The following DLGAP2 variants were observed in gnomAD, a reference collection of about 807,000 sequenced individuals.
DLGAP2 encodes the protein DLG associated protein 2.
A neutral mutation model predicts 100.3 loss-of-function variants in DLGAP2; 26 were observed. That is an observed-to-expected ratio of 0.26 (90% confidence interval 0.19 to 0.36). The LOEUF (loss-of-function observed/expected upper bound fraction) is 0.36, where lower values mean the gene tolerates loss of function less well. Among genes scored for constraint, DLGAP2 ranks in the 10% least tolerant of loss-of-function variants. DLGAP2 has a pLI of 1.00. For synonymous variants in DLGAP2, 886 were observed against 630.1 expected (o/e 1.41, Z -6.08); for missense variants, 1,858 against 1,453.2 (o/e 1.28, Z -4.53).
intron 4 of DLGAP2, among the ~76,000 whole-genome samples, chr8:1,503,467 G>A (rs1358404491): frequency 6.6e-6 from 1 of 152,138 alleles, no homozygotes; most frequent in Non-Finnish European, 1.5e-5. Context: ...TTCTGTTGAA[G>A]GCTGAGCCAC....
At chr8:1,019,097 ACCATGCCAG>A (rs964584096) in intron 2 of DLGAP2, 4 of 152,198 alleles carry the variant, frequency 2.6e-5, no homozygotes, top group Non-Finnish European at 5.9e-5. Context: ...CTGGTCATGC[ACCATGCCAG>A]CCACGCCAGC....
At chr8:1,321,440 C>T (rs1024778087) in intron 3 of DLGAP2, among the ~76,000 whole-genome samples, 1 of 150,000 alleles carries the variant, frequency 6.7e-6, no homozygotes, top group Non-Finnish European at 1.5e-5. Context: ...TGCATCCATG[C>T]GTCTCTGCAT....
At chr8:1,266,904 C>G (rs2116920822) in intron 3 of DLGAP2, among the ~76,000 whole-genome samples, 1 of 152,152 alleles carries the variant, frequency 6.6e-6, no homozygotes, top group African/African-American at 2.4e-5. Flanking sequence ...AAGATGCACA[C>G]TCAGTGGGGA....
intron 3 of DLGAP2, among the ~76,000 whole-genome samples, chr8:1,342,198 C>T (rs1801433788): frequency 6.6e-6 from 1 of 152,098 alleles, no homozygotes; most frequent in Non-Finnish European, 1.5e-5. Flanking sequence ...CGGCCCACCT[C>T]AGCCTCCCAA....
chr8:906,675 A>G (rs554904830), intron 1 of DLGAP2, among the ~76,000 whole-genome samples: 2 of 152,014 alleles, frequency 1.3e-5, no homozygotes, highest in East Asian at 3.9e-4. Flanking sequence ...CCAGCACCTG[A>G]CCCCATGGTT....
intron 3 of DLGAP2, among the ~76,000 whole-genome samples, chr8:1,289,615 C>T (rs1265206907): frequency 6.6e-6 from 1 of 152,176 alleles, no homozygotes; most frequent in Non-Finnish European, 1.5e-5. Context: ...TCCCTGGGGG[C>T]TGGCCTGGCT....
In DLGAP2 at chr8:1,445,890, T is replaced by C. The variant is rs1009157237; in HGVS notation, c.107-55476T>C. On this transcript the variant is annotated intron_variant, in intron 3 of 14. Transcript: ENST00000637795. The stretch of plus-strand genomic sequence containing the variant: ...GTTTTTGGCTGCATAAATGTCTTCT[T>C]TTGAGAAGTGTCTGTTCATATCATT... Among the ~76,000 whole-genome samples, 9 of 152,370 alleles carry C rather than the reference T, an allele frequency of 5.9e-5. No individual in the cohort carries two copies. In the South Asian group the frequency reaches 8.3e-4, roughly 14 times the overall value.
chr8:912,832 C>T lies in DLGAP2; in HGVS notation c.73+4866C>T, dbSNP rs188849020. On this transcript the variant is annotated intron_variant, in intron 2 of 14. Coordinates refer to ENST00000637795, the MANE Select transcript of DLGAP2 (RefSeq NM_001346810.2). ...CTTCCCACACCACAGTGTCCATCTT[C>T]CTCTCTGTGGAGCTGACCCCCGCAC... 1.6e-3 allele frequency among the ~76,000 whole-genome samples: 239 copies of T among 151,464 alleles called. 4 individuals are homozygous for T. The East Asian group carries it at 0.036, about 23-fold the overall frequency.
chr8:1,266,836 G>A lies in DLGAP2; in HGVS notation c.106+7953G>A, dbSNP rs1799461038. Among the ~76,000 whole-genome samples the A allele has an allele frequency of 2.6e-5, 4 of 152,086 alleles. No homozygotes were observed. In the South Asian group the frequency reaches 8.3e-4, roughly 32 times the overall value. ...GGAATACATGCCCTCTCCCCATTGT[G>A]TGTGCAGCTTCTGCTTGGATAATGA... On this transcript the variant is annotated intron_variant, in intron 3 of 14. Transcript: ENST00000637795.
chr8:1,200,229 C>T (rs548018674), intron 2 of DLGAP2, among the ~76,000 whole-genome samples: 7 of 152,328 alleles, frequency 4.6e-5, no homozygotes, highest in East Asian at 1.9e-4. Context: ...GGGACAGCTT[C>T]GTGTCTTTTC....
At chr8:1,054,694 G>T (rs1802825146) in intron 2 of DLGAP2, among the ~76,000 whole-genome samples, 1 of 152,070 alleles carries the variant, frequency 6.6e-6, no homozygotes, top group African/African-American at 2.4e-5. Flanking sequence ...ACTATTCTCA[G>T]CAGGAATTAA....
chr8:1,320,908 G>A (rs1800883485), intron 3 of DLGAP2, among the ~76,000 whole-genome samples: 2 of 152,042 alleles, frequency 1.3e-5, no homozygotes, highest in Admixed American at 6.6e-5. Flanking sequence ...GGTGTGTAGG[G>A]GCATGTGTGT....
chr8:943,245 A>G (rs112173280), intron 2 of DLGAP2, among the ~76,000 whole-genome samples: 7 of 152,274 alleles, frequency 4.6e-5, no homozygotes, highest in Admixed American at 3.9e-4. Flanking sequence ...CAGCCTTTCT[A>G]GGGATCGCAT....
intron 2 of DLGAP2, among the ~76,000 whole-genome samples, chr8:1,177,538 T>G (rs1348630981): frequency 6.6e-6 from 1 of 152,218 alleles, no homozygotes; most frequent in Non-Finnish European, 1.5e-5. Flanking sequence ...ATTGTGTTGC[T>G]TCATTTGTTT....
At chr8:971,489 C>T (rs920967448) in intron 2 of DLGAP2, among the ~76,000 whole-genome samples, 7 of 152,210 alleles carry the variant, frequency 4.6e-5, no homozygotes, top group African/African-American at 1.7e-4. Flanking sequence ...CTGGGAGAAG[C>T]AGCCCCAGCT....
chr8:750,498 A>T (rs1366762788), intron 1 of DLGAP2, among the ~76,000 whole-genome samples: 1 of 152,284 alleles, frequency 6.6e-6, no homozygotes, highest in African/African-American at 2.4e-5. Context: ...GACAAAGAAT[A>T]TAAACAGAAA....
chr8:1,354,165 G>T (rs186035805), intron 3 of DLGAP2, among the ~76,000 whole-genome samples: 2 of 152,192 alleles, frequency 1.3e-5, no homozygotes, highest in East Asian at 3.9e-4. Flanking sequence ...AGCATGAACC[G>T]TTAAAAACAA....
chr8:1,276,381 G>C (rs374715202), intron 3 of DLGAP2, among the ~76,000 whole-genome samples: 2 of 152,020 alleles, frequency 1.3e-5, no homozygotes, highest in African/African-American at 4.8e-5. Context: ...CTATCAGATG[G>C]AACCGTTTTG....
At chr8:1,446,279 G>A (rs1797983691) in intron 3 of DLGAP2, among the ~76,000 whole-genome samples, 1 of 152,110 alleles carries the variant, frequency 6.6e-6, no homozygotes, top group Admixed American at 6.5e-5. Flanking sequence ...TAAGGTGTAA[G>A]GAAGGGATCC....
Sources: allele counts gnomAD v4.1 joint callset (sites outside exome capture counted in the v4.1 genomes callset), GRCh38; gene constraint gnomAD v4.1.1; transcripts MANE v1.5; gene names NCBI Gene and HGNC (gene_info 2026-07-23, HGNC 2026-07-21).